RAB6A: variants seen among roughly 807,000 people sequenced by gnomAD.
RAB6A encodes ras-related protein Rab-6A.
A neutral mutation model predicts 32.3 loss-of-function variants in RAB6A; 8 were observed. That is an observed-to-expected ratio of 0.25 (90% CI 0.15 to 0.45). The LOEUF is 0.45. Ranked by LOEUF, RAB6A falls within the 20% of genes least tolerant of loss-of-function variation. The probability of loss-of-function intolerance (pLI) is 1.00; values close to 1 mark genes in which losing one functional copy is unlikely to be tolerated. For synonymous variants in RAB6A, 73 were observed against 82.1 expected, an observed-to-expected ratio of 0.89 and a Z score of 0.60; for missense variants, 104 against 249.4, an observed-to-expected ratio of 0.42 and a Z score of 3.93.
At chr11:73,754,936 T>TATTA (rs1250681469) in intron 1 of RAB6A, among the ~76,000 whole-genome samples, 1 of 152,080 alleles carries the variant, frequency 6.6e-6, no homozygotes, top group African/African-American at 2.4e-5. Context: ...TTATTATTAT[T>TATTA]TTTTTGAGAT....
At chr11:73,720,326 G>A (rs962303409) in intron 3 of RAB6A, among the ~76,000 whole-genome samples, 18 of 151,718 alleles carry the variant, frequency 1.2e-4, no homozygotes, top group African/African-American at 3.9e-4. Context: ...GATTATAGGC[G>A]CCCGCCACCA....
chr11:73,757,076 C>T (rs867902853), intron 1 of RAB6A, among the ~76,000 whole-genome samples: 2 of 117,454 alleles, frequency 1.7e-5, no homozygotes, highest in Non-Finnish European at 3.3e-5. Flanking sequence ...CACTATAGAG[C>T]GTAGTATCTT....
At chr11:73,702,754 G>A (rs1945766885) in intron 6 of RAB6A, among the ~76,000 whole-genome samples, 1 of 152,052 alleles carries the variant, frequency 6.6e-6, no homozygotes, top group Non-Finnish European at 1.5e-5. Context: ...CATTGCTGTG[G>A]TCATTATACC....
intron 6 of RAB6A, among the ~76,000 whole-genome samples, chr11:73,686,079 A>C (rs1247879954): frequency 6.6e-6 from 1 of 152,082 alleles, no homozygotes; most frequent in Non-Finnish European, 1.5e-5. Flanking sequence ...GGAACTATAA[A>C]AAACTGGTGG....
At position 73,690,540 on chromosome 11, in the gene RAB6A, G is replaced by A. The variant is rs1318991789; in HGVS notation, c.496-10820C>T. ...AGCTAGGACTACAGGGATGTGCCAA[G>A]GCACCCAGCTAATTCTTTTTTTTTT... On this transcript the variant is annotated intron_variant, in intron 6 of 7. Transcript: ENST00000336083. 4.2e-5 allele frequency among the ~76,000 whole-genome samples: 6 copies of A among 142,138 alleles called. No individual in the cohort carries two copies. In the Admixed American group the frequency reaches 4.5e-4, roughly 11 times the overall value. The allele number at this position is 142,138 out of a possible 152,430, so 93.2% of individuals were successfully genotyped here. A position where few individuals can be genotyped will look rare whatever the true frequency, so the allele number is the denominator to read the frequency against.
chr11:73,690,435 T>C lies in RAB6A; in HGVS notation c.496-10715A>G, dbSNP rs546370613. Among the ~76,000 whole-genome samples the C allele has an allele frequency of 2.6e-5, 4 of 152,120 alleles. No homozygotes were observed. The South Asian group carries it at 6.2e-4, about 24-fold the overall frequency. On this transcript the variant is annotated intron_variant, in intron 6 of 7. Coordinates refer to ENST00000336083, the MANE Select transcript of RAB6A (RefSeq NM_198896.2). The stretch of plus-strand genomic sequence containing the variant: ...GTCTCACTGTGTTGCCAGGCTGGAG[T>C]GCAATGAAAATGTGATCATAACTCA...
chr11:73,699,397 T>C (rs1201666671), intron 6 of RAB6A, among the ~76,000 whole-genome samples: 1 of 152,166 alleles, frequency 6.6e-6, no homozygotes, highest in Admixed American at 6.6e-5. Flanking sequence ...GGCTCCTGAA[T>C]AGCTGGGACT....
At chr11:73,697,480 T>C (rs1446801349) in intron 6 of RAB6A, among the ~76,000 whole-genome samples, 1 of 152,086 alleles carries the variant, frequency 6.6e-6, no homozygotes, top group Non-Finnish European at 1.5e-5. Context: ...TCTAAGTAGC[T>C]GGGATTACAG....
At chr11:73,724,587 C>T (rs1946189148) in intron 2 of RAB6A, among the ~76,000 whole-genome samples, 1 of 149,912 alleles carries the variant, frequency 6.7e-6, no homozygotes, top group South Asian at 2.2e-4. Flanking sequence ...CCGGGGTTCA[C>T]GCCATTCTCC....
chr11:73,742,127 C>A (rs1023790548), intron 1 of RAB6A, among the ~76,000 whole-genome samples: 1 of 151,790 alleles, frequency 6.6e-6, no homozygotes, highest in Non-Finnish European at 1.5e-5. Context: ...ACTAAAAATA[C>A]AAAAATTAGC....
intron 1 of RAB6A, among the ~76,000 whole-genome samples, chr11:73,731,107 C>T (rs61903174): frequency 2.3e-3 from 4 of 1,726 alleles, no homozygotes; most frequent in Non-Finnish European, 0.01. Flanking sequence ...GCCAAGTAAA[C>T]ACTTACTTGG....
intron 1 of RAB6A, among the ~76,000 whole-genome samples, chr11:73,731,724 A>ATTTTCTTTTTTTTT (rs1472358703): frequency 3.1e-4 from 3 of 9,658 alleles, no homozygotes; most frequent in East Asian, 5.6e-3. Flanking sequence ...ATATATATAT[A>ATTTTCTTTTTTTTT]TATATATACA....
At chr11:73,701,723 A>G (rs1880642) in intron 6 of RAB6A, among the ~76,000 whole-genome samples, 139,122 of 152,050 alleles carry the variant, frequency 0.91, 63,819 homozygotes, top group East Asian at 1. Flanking sequence ...GTGTGATCTC[A>G]GCTCACTGCT....
chr11:73,700,607 TGTG>T (rs1565352765), intron 6 of RAB6A, among the ~76,000 whole-genome samples: 2 of 2,150 alleles, frequency 9.3e-4, no homozygotes, highest in African/African-American at 2.6e-3. Context: ...AAAGTGTGTG[TGTG>T]GGGGGGGGGG....
intron 1 of RAB6A, among the ~76,000 whole-genome samples, chr11:73,758,700 T>C (rs1013925913): frequency 6.6e-6 from 1 of 152,220 alleles, no homozygotes; most frequent in Non-Finnish European, 1.5e-5. Context: ...GGAAGATGAA[T>C]AGGTTTTTTC....
chr11:73,735,045 T>C (rs1001112907), intron 1 of RAB6A, among the ~76,000 whole-genome samples: 2 of 152,184 alleles, frequency 1.3e-5, no homozygotes, highest in Non-Finnish European at 1.5e-5. Context: ...ATAACTACAT[T>C]TGCATTCACT....
chr11:73,760,072 G>C (rs1463152335), intron 1 of RAB6A: 1 of 1,289,968 alleles, frequency 7.8e-7, no homozygotes, highest in Admixed American at 2.3e-5. Flanking sequence ...GCACTTCGCA[G>C]GGCCAAGCCT....
chr11:73,678,304 G>A (rs886896919), intron 7 of RAB6A, among the ~76,000 whole-genome samples: 17 of 152,170 alleles, frequency 1.1e-4, no homozygotes, highest in African/African-American at 3.9e-4. Context: ...TCCAACAGCA[G>A]AGGAAACATT....
intron 6 of RAB6A, among the ~76,000 whole-genome samples, chr11:73,698,844 T>C (rs1945696422): frequency 1.4e-5 from 2 of 141,470 alleles, no homozygotes; most frequent in African/African-American, 2.5e-5. Context: ...GATACTTTTT[T>C]TGCGATTTTT....
Sources: allele counts gnomAD v4.1 joint callset (sites outside exome capture counted in the v4.1 genomes callset), GRCh38; gene constraint gnomAD v4.1.1; transcripts MANE v1.5; gene names NCBI Gene and HGNC (gene_info 2026-07-23, HGNC 2026-07-21).